Variants in DAB1 observed in about 807,000 individuals in gnomAD.
DAB1 encodes the protein disabled homolog 1.
DAB1 carries 15 observed loss-of-function variants against 64.6 expected under a neutral mutation model. The observed-to-expected ratio is 0.23, with a 90% CI of 0.16 to 0.36. The LOEUF (loss-of-function observed/expected upper bound fraction) is 0.36. Ranked by LOEUF, DAB1 falls within the 10% of genes least tolerant of loss-of-function variation. DAB1 has a pLI of 1.00. For missense variants in DAB1, 596 were observed against 706.7 expected, an observed-to-expected ratio of 0.84 and a Z score of 1.78; for synonymous variants, 235 against 251.9, an observed-to-expected ratio of 0.93 and a Z score of 0.64.
intron 3 of DAB1, among the ~76,000 whole-genome samples, chr1:58,497,092 C>T (rs1645815162): frequency 6.6e-6 from 1 of 152,074 alleles, no homozygotes; most frequent in Non-Finnish European, 1.5e-5. Context: ...AATATCCTTC[C>T]CAAAATTTAA....
chr1:57,311,538 ACAC>A lies in DAB1; in HGVS notation c.-136-20375_-136-20373del, dbSNP rs1674707034. The stretch of plus-strand genomic sequence containing the variant: ...TGCCAACCACCACACACACACACAC[ACAC>A]CACTTCTTGGCTGGAACCTGTCTGA... On this transcript the variant is annotated intron_variant, in intron 1 of 14. Transcript: ENST00000371236. Among the ~76,000 whole-genome samples the A allele has an allele frequency of 2.6e-5, 4 of 152,082 alleles. No homozygotes were observed. In the South Asian group the frequency reaches 8.3e-4, roughly 32 times the overall value.
intron 2 of DAB1, among the ~76,000 whole-genome samples, chr1:57,191,437 C>T (rs1215548596): frequency 6.6e-6 from 1 of 152,156 alleles, no homozygotes; most frequent in African/African-American, 2.4e-5. Context: ...GATCACCAGC[C>T]TTCCCTTTAC....
intron 7 of DAB1, among the ~76,000 whole-genome samples, chr1:57,555,509 A>C (rs1644978086): frequency 6.6e-6 from 1 of 151,654 alleles, no homozygotes; most frequent in Non-Finnish European, 1.5e-5. Flanking sequence ...AAGTCTATGG[A>C]GTTTACACAG....
chr1:58,193,468 C>T (rs142674112), intron 4 of DAB1, among the ~76,000 whole-genome samples: 1 of 152,324 alleles, frequency 6.6e-6, no homozygotes, highest in Admixed American at 6.5e-5. Flanking sequence ...AGACATTATT[C>T]GTCTACTATG....
chr1:58,394,635 T>C (rs543469651), intron 3 of DAB1, among the ~76,000 whole-genome samples: 2 of 152,346 alleles, frequency 1.3e-5, no homozygotes, highest in African/African-American at 4.8e-5. Flanking sequence ...AGAAACATTA[T>C]GTTAAGTGAA....
intron 2 of DAB1, among the ~76,000 whole-genome samples, chr1:57,160,223 T>C (rs1660618145): frequency 6.6e-6 from 1 of 152,350 alleles, no homozygotes; most frequent in East Asian, 1.9e-4. Flanking sequence ...TTGATACCAC[T>C]CTGCAAGGCA....
At chr1:57,584,438 A>T (rs1189321907) in intron 7 of DAB1, among the ~76,000 whole-genome samples, 2 of 152,108 alleles carry the variant, frequency 1.3e-5, no homozygotes, top group East Asian at 1.9e-4. Context: ...GATGCAGCAG[A>T]TCTCTCTGGG....
At position 58,035,988 on chromosome 1, in the gene DAB1, G is replaced by A. The variant is rs142051516; in HGVS notation, n.387+114523C>T. Among the ~76,000 whole-genome samples, 9 of 152,310 alleles carry A rather than the reference G, an allele frequency of 5.9e-5. No homozygotes were observed. The East Asian group carries it at 1.7e-3, about 29-fold the overall frequency. On this transcript the variant is annotated intron_variant and non_coding_transcript_variant, in intron 5 of 20. Transcript: ENST00000485760. ...TCCGTGTACGGTTGATGTTAAATAG[G>A]AGCTTGATTTAATTGGTTGTCTCCA...
Position 57,072,275 on chromosome 1 carries a change from A to T in DAB1, c.438+8T>A, listed in dbSNP as rs1188152497. On this transcript the variant is annotated splice_region_variant and intron_variant, in intron 5 of 14. Transcript: ENST00000371236. ...GGAAAGACTCCCTTCTTGGATAGGG[A>T]TACTCACCGCCTGGGCTGTTTTTAT... 1 of 1,613,020 alleles carries T rather than the reference A, an allele frequency of 6.2e-7. No homozygotes were observed. Among genetic ancestry groups the T allele is most frequent in the African/African-American group, 1.3e-5 (1 of 74,840 alleles).
intron 7 of DAB1, among the ~76,000 whole-genome samples, chr1:57,625,990 T>G (rs1645918068): frequency 6.6e-6 from 1 of 152,334 alleles, no homozygotes; most frequent in South Asian, 2.1e-4. Context: ...TGGGTGACAG[T>G]TAACACCTAA....
chr1:58,523,695 C>T (rs1033477871), intron 2 of DAB1, among the ~76,000 whole-genome samples: 8 of 152,080 alleles, frequency 5.3e-5, no homozygotes, highest in African/African-American at 1.2e-4. Flanking sequence ...GTCAGGAGAT[C>T]GAGACCATCC....
At chr1:57,430,566 A>G (rs1685465143) in intron 7 of DAB1, among the ~76,000 whole-genome samples, 1 of 151,926 alleles carries the variant, frequency 6.6e-6, no homozygotes, top group South Asian at 2.1e-4. Context: ...TTTAGCAGAG[A>G]CGGGGTTTCA....
At chr1:58,049,243 A>G (rs532135274) in intron 5 of DAB1, 1 of 761,352 alleles carries the variant, frequency 1.3e-6, no homozygotes, top group East Asian at 2.4e-5. Flanking sequence ...CCTCCAGTGA[A>G]GAGCTTCCTA....
At chr1:57,626,212 A>G (rs1240827392) in intron 7 of DAB1, among the ~76,000 whole-genome samples, 3 of 151,948 alleles carry the variant, frequency 2.0e-5, no homozygotes, top group Non-Finnish European at 4.4e-5. Context: ...CTGTATTCCT[A>G]TTTGGGTAGC....
At chr1:58,043,453 A>G (rs1268629868) in intron 5 of DAB1, among the ~76,000 whole-genome samples, 1 of 152,154 alleles carries the variant, frequency 6.6e-6, no homozygotes, top group Non-Finnish European at 1.5e-5. Context: ...CAATACATGG[A>G]TCGATACCTT....
chr1:57,718,602 CTTGA>C lies in DAB1; in HGVS notation n.552-68941_552-68938del, dbSNP rs201206324. 6.9e-3 allele frequency among the ~76,000 whole-genome samples: 1,054 copies of C among 152,196 alleles called. 9 individuals carry two copies. The highest frequency in any genetic ancestry group is 0.024 in the African/African-American group (989 of 41,504). On this transcript the variant is annotated intron_variant and non_coding_transcript_variant, in intron 6 of 20. Transcript: ENST00000485760. ...GAAATGCAGGATCAGTTACATTTCA[CTTGA>C]TTATCTTGTATCTAAAAGATATGTT... is the stretch of plus-strand genomic sequence containing the variant.
chr1:57,363,812 A>G (rs1019009562), intron 1 of DAB1, among the ~76,000 whole-genome samples: 4 of 152,104 alleles, frequency 2.6e-5, no homozygotes, highest in African/African-American at 7.2e-5. Context: ...AAATCAGCTG[A>G]TATTTGTTTG....
At chr1:57,958,997 G>C (rs1220826698) in intron 5 of DAB1, among the ~76,000 whole-genome samples, 2 of 152,198 alleles carry the variant, frequency 1.3e-5, no homozygotes, top group Non-Finnish European at 1.5e-5. Flanking sequence ...AGGACACAAA[G>C]TCAACCCTAA....
At chr1:57,814,849 T>C (rs1209442917) in intron 6 of DAB1, among the ~76,000 whole-genome samples, 1 of 152,044 alleles carries the variant, frequency 6.6e-6, no homozygotes, top group Non-Finnish European at 1.5e-5. Context: ...ATTGTATGAG[T>C]GTGAGCAAAT....
Sources: gnomAD v4.1 joint callset for allele counts (sites outside exome capture counted in the v4.1 genomes callset) on GRCh38, gnomAD v4.1.1 for gene constraint, MANE v1.5 for transcripts, NCBI Gene and HGNC (gene_info 2026-07-23, HGNC 2026-07-21) for gene names.